FSTL5: variants seen among roughly 807,000 people sequenced by gnomAD.
FSTL5 encodes follistatin-related protein 5.
FSTL5 carries 62 observed loss-of-function variants against 89.1 expected under a neutral mutation model. The ratio of observed to expected loss-of-function variants is 0.70; its 90% confidence interval spans 0.57 to 0.86. The LOEUF (loss-of-function observed/expected upper bound fraction) is 0.86, where lower values mean the gene tolerates loss of function less well. Ranked by LOEUF, FSTL5 falls within the 40% of genes least tolerant of loss-of-function variation. FSTL5 has a pLI of 0.00. For missense variants in FSTL5, 1,057 were observed against 1,001.6 expected (o/e 1.06, Z -0.75); for synonymous variants, 383 against 346.2 (o/e 1.11, Z -1.18).
intron 15 of FSTL5, among the ~76,000 whole-genome samples, chr4:161,416,019 A>G (rs1731768533): frequency 6.6e-6 from 1 of 151,976 alleles, no homozygotes; most frequent in South Asian, 2.1e-4. Context: ...GACAATGTTT[A>G]CTCTAATTCC....
At chr4:161,394,550 C>T (rs981738725) in intron 15 of FSTL5, among the ~76,000 whole-genome samples, 1 of 152,172 alleles carries the variant, frequency 6.6e-6, no homozygotes, top group Non-Finnish European at 1.5e-5. Context: ...GCAGAGATTA[C>T]AGGCGTGAGC....
chr4:161,738,391 T>C (rs758705831), intron 6 of FSTL5, among the ~76,000 whole-genome samples: 18 of 152,082 alleles, frequency 1.2e-4, no homozygotes, highest in Non-Finnish European at 2.2e-4. Context: ...TCTCATCCTA[T>C]AATTAGTGAT....
intron 7 of FSTL5, among the ~76,000 whole-genome samples, chr4:161,603,183 G>A (rs539056842): frequency 1.3e-5 from 2 of 152,182 alleles, no homozygotes; most frequent in South Asian, 2.1e-4. Context: ...ACACATTGGC[G>A]TACCTTGCAG....
At chr4:161,881,483 C>A (rs558220691) in intron 4 of FSTL5, among the ~76,000 whole-genome samples, 1 of 152,084 alleles carries the variant, frequency 6.6e-6, no homozygotes, top group South Asian at 2.1e-4. Context: ...GGCATACAAA[C>A]AACTATCCCT....
intron 4 of FSTL5, among the ~76,000 whole-genome samples, chr4:161,915,182 A>G (rs1733804323): frequency 6.6e-6 from 1 of 152,142 alleles, no homozygotes; most frequent in African/African-American, 2.4e-5. Flanking sequence ...TTTTAGAATG[A>G]TTAATTAATA....
intron 4 of FSTL5, among the ~76,000 whole-genome samples, chr4:161,810,184 G>A (rs1237345495): frequency 2.6e-5 from 4 of 152,054 alleles, no homozygotes; most frequent in Non-Finnish European, 5.9e-5. Flanking sequence ...CTCAGTTACT[G>A]CATTTTAAAG....
intron 4 of FSTL5, among the ~76,000 whole-genome samples, chr4:161,812,577 TA>T (rs896971188): frequency 6.6e-6 from 1 of 151,878 alleles, no homozygotes; most frequent in African/African-American, 2.4e-5. Context: ...TAATTAAGAC[TA>T]AAAAAATAGT....
At chr4:162,074,122 A>C (rs929972053) in intron 2 of FSTL5, among the ~76,000 whole-genome samples, 1 of 151,756 alleles carries the variant, frequency 6.6e-6, no homozygotes, top group South Asian at 2.1e-4. Context: ...GTTATTTTGA[A>C]TTATGCTTTT....
intron 3 of FSTL5, among the ~76,000 whole-genome samples, chr4:161,985,910 T>G (rs2111062030): frequency 6.6e-6 from 1 of 152,102 alleles, no homozygotes; most frequent in South Asian, 2.1e-4. Flanking sequence ...AAATGTGGAG[T>G]CCTCTATGGA....
rs1314701159 is a variant in FSTL5, at chr4:162,111,362, C to A, written c.35G>T (p.Gly12Val). ...FKCWSVVLVLGFIFLESEGRP... is the reference protein window; with the variant it reads ...FKCWSVVLVLVFIFLESEGRP... ...TCCTTCCGACTCCAGAAAAATGAAT[C>A]CGAGAACCAAGACAACTGACCAGCA... Residue 12 changes from glycine (G) to valine (V), a missense_variant, in exon 2 of 16, where the codon GGA (glycine) becomes GTA (valine). Gly to Val is a moderately radical substitution (Grantham distance 109, BLOSUM62 -3). Transcript: ENST00000306100. 3.7e-6 allele frequency: 6 copies of A among 1,612,440 alleles called. No individual in the cohort carries two copies. In the Admixed American group the frequency reaches 5.0e-5, roughly 13 times the overall value.
intron 3 of FSTL5, among the ~76,000 whole-genome samples, chr4:162,019,823 T>C (rs889700249): frequency 1.8e-4 from 27 of 150,834 alleles, no homozygotes; most frequent in Non-Finnish European, 3.4e-4. Context: ...TTTCAAAAGA[T>C]GGAAAGTGAA....
chr4:162,103,714 G>T (rs142288527), intron 2 of FSTL5, among the ~76,000 whole-genome samples: 15 of 152,300 alleles, frequency 9.8e-5, no homozygotes, highest in African/African-American at 3.1e-4. Flanking sequence ...TGAGAGACAG[G>T]ACTAGCTGGA....
In FSTL5 at chr4:162,163,601, A is replaced by T. The variant is rs1329115813; in HGVS notation, c.-17+14T>A. On this transcript the variant is annotated intron_variant, in intron 1 of 15. Transcript: ENST00000306100. ...CCCACTTGTAATCATTTATAACAAT[A>T]TTATTTTTCTTACCTTATTTTAACA... 6.6e-6 allele frequency: 1 copy of T among 151,598 alleles called. No homozygotes were observed. The highest frequency in any genetic ancestry group is 1.9e-4 in the East Asian group (1 of 5,172). 9.4% of individuals were successfully genotyped at this position (151,598 alleles called of 1,614,324 possible). A position where few individuals can be genotyped will look rare whatever the true frequency, so the allele number is the denominator to read the frequency against.
chr4:161,465,488 T>C (rs1315672622), intron 13 of FSTL5, among the ~76,000 whole-genome samples: 3 of 152,180 alleles, frequency 2.0e-5, no homozygotes, highest in African/African-American at 7.2e-5. Flanking sequence ...GGGATCTTCC[T>C]AGTTGCCCAG....
At chr4:161,868,489 C>T (rs1732161256) in intron 4 of FSTL5, among the ~76,000 whole-genome samples, 1 of 152,166 alleles carries the variant, frequency 6.6e-6, no homozygotes, top group African/African-American at 2.4e-5. Context: ...CGAACGACCT[C>T]ATCTCTCTGT....
chr4:162,149,866 GA>G (rs1430606361), intron 1 of FSTL5, among the ~76,000 whole-genome samples: 1 of 151,950 alleles, frequency 6.6e-6, no homozygotes, highest in African/African-American at 2.4e-5. Flanking sequence ...CTGTTACTAA[GA>G]AAAAACATGT....
intron 6 of FSTL5, among the ~76,000 whole-genome samples, chr4:161,684,052 C>G (rs1737618982): frequency 6.6e-6 from 1 of 152,178 alleles, no homozygotes; most frequent in Non-Finnish European, 1.5e-5. Flanking sequence ...CCAATCTCAT[C>G]CAGGTTGCTG....
chr4:161,783,843 G>C (rs1211384827), intron 4 of FSTL5, among the ~76,000 whole-genome samples: 3 of 148,674 alleles, frequency 2.0e-5, no homozygotes, highest in African/African-American at 7.5e-5. Flanking sequence ...TTGGCTCACT[G>C]CAACCTCTGC....
chr4:161,953,700 T>C (rs1211340363), intron 3 of FSTL5, among the ~76,000 whole-genome samples: 1 of 151,632 alleles, frequency 6.6e-6, no homozygotes, highest in Non-Finnish European at 1.5e-5. Flanking sequence ...CATATTTTTT[T>C]CAATGAGAAC....
Sources: allele counts gnomAD v4.1 joint callset (sites outside exome capture counted in the v4.1 genomes callset), GRCh38; gene constraint gnomAD v4.1.1; transcripts MANE v1.5; gene names NCBI Gene and HGNC (gene_info 2026-07-23, HGNC 2026-07-21).